The following PAXIP1 variants were observed in gnomAD, a reference collection of about 807,000 sequenced individuals.
The protein encoded by PAXIP1 is PAX-interacting protein 1.
PAXIP1 carries 19 observed loss-of-function variants against 140.6 expected under a neutral mutation model. That is an observed-to-expected ratio of 0.14 (90% CI 0.09 to 0.20). The LOEUF (loss-of-function observed/expected upper bound fraction) is 0.20, where lower values mean the gene tolerates loss of function less well. PAXIP1 is among the 10% of genes least tolerant of loss of function. The pLI is 1.00. For synonymous variants in PAXIP1, 442 were observed against 444.6 expected, an observed-to-expected ratio of 0.99 and a Z score of 0.07; for missense variants, 920 against 1,208.6, an observed-to-expected ratio of 0.76 and a Z score of 3.54.
intron 5 of PAXIP1, among the ~76,000 whole-genome samples, chr7:154,977,058 G>A (rs1228213846): frequency 6.6e-6 from 1 of 152,142 alleles, no homozygotes; most frequent in Admixed American, 6.5e-5. Context: ...CTTTGGCTGG[G>A]GCACAAATGA....
At position 154,946,024 on chromosome 7, in the gene PAXIP1, C is replaced by G. The variant is rs189831133; in HGVS notation, c.3194+341G>C. On this transcript the variant is annotated intron_variant, in intron 20 of 20. Coordinates refer to ENST00000404141, the MANE Select transcript of PAXIP1 (RefSeq NM_007349.4). This position sits in a 1 kb window ranked among gnomAD's most constrained non-coding sequence, Gnocchi z 4.9. ...TAAATTTCATTTGGAAAACTACAAA[C>G]TCAAAGGTGAGCTGATAAAAAGAAA... The G allele has an allele frequency of 6.1e-6, 6 of 984,542 alleles. No homozygotes were observed. In the East Asian group the frequency reaches 3.4e-4, roughly 56 times the overall value. 61.0% of individuals were successfully genotyped at this position (984,542 alleles called of 1,614,324 possible).
Position 154,954,213 on chromosome 7 carries a change from T to C in PAXIP1, c.2821+42A>G, listed in dbSNP as rs759742253. ...AGATGAATTCAAGAAAAAAAAAAGT[T>C]TATTTGGCATTAAAAGCAAAGTTAC... On this transcript the variant is annotated intron_variant, in intron 16 of 20. Coordinates refer to ENST00000404141, the MANE Select transcript of PAXIP1 (RefSeq NM_007349.4). The surrounding 1 kb of genome is among the most constrained non-coding windows in gnomAD (Gnocchi z 5.1). The C allele has an allele frequency of 7.5e-7, 1 of 1,329,874 alleles. No homozygotes were observed. The highest frequency in any genetic ancestry group is 2.3e-5 in the South Asian group (1 of 43,384). The allele number at this position is 1,329,874 out of a possible 1,614,324, so 82.4% of individuals were successfully genotyped here.
intron 20 of PAXIP1, chr7:154,944,380 C>G (rs1482586920): frequency 4.6e-6 from 2 of 434,438 alleles, no homozygotes; most frequent in African/African-American, 2.0e-5. Context: ...GACATCAGCA[C>G]CTGTGCCAGC....
intron 1 of PAXIP1, chr7:155,001,081 T>A (rs891804279): frequency 6.6e-6 from 1 of 152,238 alleles, no homozygotes; most frequent in African/African-American, 2.4e-5. Context: ...TATTAGATGG[T>A]CAACATGTGA....
Position 154,963,032 on chromosome 7 carries a change from CCCCGGTAGTTTT to C in PAXIP1, c.1990-586_1990-575del, listed in dbSNP as rs1808831381. Among the ~76,000 whole-genome samples, 1 of 152,144 alleles carries C rather than the reference CCCCGGTAGTTTT, an allele frequency of 6.6e-6. No homozygotes were observed. Among genetic ancestry groups the C allele is most frequent in the African/African-American group, 2.4e-5 (1 of 41,434 alleles). On this transcript the variant is annotated intron_variant, in intron 9 of 20. Coordinates refer to ENST00000404141, the MANE Select transcript of PAXIP1 (RefSeq NM_007349.4). This position sits in a 1 kb window ranked among gnomAD's most constrained non-coding sequence, Gnocchi z 4.1. Reference sequence around the variant, plus strand: ...GGTAATATTGAGGAGAAAGCCTGCACCCCGGTAGTTTTAGAAAAGCTCTGTAAGGGACCTGGT... The same window carrying C: ...GGTAATATTGAGGAGAAAGCCTGCACAGAAAAGCTCTGTAAGGGACCTGGT...
chr7:154,954,900 G>T lies in PAXIP1; in HGVS notation c.2653-477C>A, dbSNP rs1808439050. Reference sequence around the variant, plus strand: ...ACTATCCTCACATTTTAAAGGTGGAGAAATTAATTTGTTCTAAATGTATAA... The same window carrying T: ...ACTATCCTCACATTTTAAAGGTGGATAAATTAATTTGTTCTAAATGTATAA... On this transcript the variant is annotated intron_variant, in intron 15 of 20. Coordinates refer to ENST00000404141, the MANE Select transcript of PAXIP1 (RefSeq NM_007349.4). This position sits in a 1 kb window ranked among gnomAD's most constrained non-coding sequence, Gnocchi z 5.1. Among the ~76,000 whole-genome samples the T allele has an allele frequency of 1.3e-5, 2 of 152,290 alleles. No homozygotes were observed. Among genetic ancestry groups the T allele is most frequent in the South Asian group, 4.1e-4 (2 of 4,826 alleles).
At chr7:154,982,842 C>T (rs892519581) in intron 5 of PAXIP1, among the ~76,000 whole-genome samples, 4 of 151,996 alleles carry the variant, frequency 2.6e-5, no homozygotes, top group Non-Finnish European at 4.4e-5. Flanking sequence ...TCACCACACA[C>T]GTTTATAATT....
chr7:154,984,081 C>T lies in PAXIP1; in HGVS notation c.325-749G>A, dbSNP rs140278776. Among the ~76,000 whole-genome samples the T allele has an allele frequency of 8.3e-4, 127 of 152,258 alleles. No individual in the cohort carries two copies. The East Asian group carries it at 0.013, about 15-fold the overall frequency. ...CGCCATGTGAAACAGGAATCATCCACCCCATTTTAAACATAAGGAAACACA... is the reference window on the plus strand; with the variant it reads ...CGCCATGTGAAACAGGAATCATCCATCCCATTTTAAACATAAGGAAACACA... On this transcript the variant is annotated intron_variant, in intron 4 of 20. Coordinates refer to ENST00000404141, the MANE Select transcript of PAXIP1 (RefSeq NM_007349.4).
Position 154,963,616 on chromosome 7 carries a change from C to T in PAXIP1, c.1989+55G>A. On this transcript the variant is annotated intron_variant, in intron 9 of 20. Transcript: ENST00000404141. The surrounding 1 kb of genome is among the most constrained non-coding windows in gnomAD (Gnocchi z 4.1). ...TAATAATCACTAGCATTTAAGATTG[C>T]ATATTAAAAATGCCAGACCTTGCTC... The T allele has an allele frequency of 8.8e-7, 1 of 1,135,968 alleles. No individual in the cohort carries two copies. Among genetic ancestry groups the T allele is most frequent in the Non-Finnish European group, 1.3e-6 (1 of 763,826 alleles). 70.4% of individuals were successfully genotyped at this position (1,135,968 alleles called of 1,614,324 possible).
intron 4 of PAXIP1, among the ~76,000 whole-genome samples, chr7:154,988,157 C>A (rs533244050): frequency 6.6e-6 from 1 of 152,196 alleles, no homozygotes; most frequent in African/African-American, 2.4e-5. Flanking sequence ...TGCAAATGCA[C>A]ACCCTTGGTT....
chr7:154,999,415 C>T (rs1234593504), intron 1 of PAXIP1, among the ~76,000 whole-genome samples: 2 of 152,160 alleles, frequency 1.3e-5, no homozygotes, highest in Non-Finnish European at 2.9e-5. Context: ...ACAAAGATGA[C>T]AGTCCATGTG....
intron 1 of PAXIP1, 106 bp from the exon 2 acceptor site, chr7:154,998,890 C>T: frequency 2.2e-6 from 2 of 929,268 alleles, no homozygotes; most frequent in Non-Finnish European, 3.2e-6. Flanking sequence ...AATAAAAACA[C>T]ACCATATTCC....
In PAXIP1 at chr7:154,954,531, T is replaced by G; in HGVS notation, c.2653-108A>C. The G allele has an allele frequency of 1.5e-6, 1 of 684,740 alleles. No homozygotes were observed. The highest frequency in any genetic ancestry group is 2.1e-6 in the Non-Finnish European group (1 of 473,106). The allele number at this position is 684,740 out of a possible 1,614,324, so 42.4% of individuals were successfully genotyped here. ...TCTACCTAAAGACAAGGTTTATGAC[T>G]GTAATTCTCAGCCACAGAAAACAGT... is the stretch of plus-strand genomic sequence containing the variant. On this transcript the variant is annotated intron_variant, in intron 15 of 20. Transcript: ENST00000404141. This position sits in a 1 kb window ranked among gnomAD's most constrained non-coding sequence, Gnocchi z 5.1.
chr7:154,961,350 A>G (rs1002794230), intron 11 of PAXIP1, among the ~76,000 whole-genome samples, 177 bp downstream of exon 11: 4 of 152,308 alleles, frequency 2.6e-5, no homozygotes, highest in African/African-American at 9.6e-5. Context: ...CATTAATTCA[A>G]ATGTTTTCTA....
intron 2 of PAXIP1, among the ~76,000 whole-genome samples, chr7:154,997,023 T>G (rs1001292833): frequency 6.6e-6 from 1 of 151,940 alleles, no homozygotes; most frequent in African/African-American, 2.4e-5. Context: ...AGAAAGTTTG[T>G]AGGAAGGAGA....
intron 16 of PAXIP1, chr7:154,949,286 A>C (rs1318702309): frequency 1.3e-5 from 2 of 152,154 alleles, no homozygotes; most frequent in Non-Finnish European, 2.9e-5. Context: ...AAAATGTAAA[A>C]ACCATTTTCA....
intron 17 of PAXIP1, chr7:154,947,699 A>C: frequency 2.0e-6 from 1 of 511,726 alleles, no homozygotes; most frequent in Non-Finnish European, 3.5e-6. Context: ...ATAGTAAAGA[A>C]AAGTTCTCTA....
At position 154,986,203 on chromosome 7, in the gene PAXIP1, C is replaced by G; in HGVS notation, c.325-2871G>C. The G allele has an allele frequency of 7.4e-7, 1 of 1,345,836 alleles. No individual in the cohort carries two copies. Among genetic ancestry groups the G allele is most frequent in the Non-Finnish European group, 9.9e-7 (1 of 1,013,780 alleles). 83.4% of individuals were successfully genotyped at this position (1,345,836 alleles called of 1,614,324 possible). ...CCCTGACGGGGAAAAGACAGAAGGT[C>G]ACTGAGAACCACCAAGAAACAGTCC... On this transcript the variant is annotated intron_variant, in intron 4 of 20. Transcript: ENST00000404141. The surrounding 1 kb of genome is among the most constrained non-coding windows in gnomAD (Gnocchi z 4.8).
intron 5 of PAXIP1, among the ~76,000 whole-genome samples, chr7:154,977,720 T>C (rs985546860): frequency 1.3e-5 from 2 of 152,196 alleles, no homozygotes; most frequent in Non-Finnish European, 2.9e-5. Context: ...TTTTAGGGTA[T>C]AGTTTAAATT....
Sources: gnomAD v4.1 joint callset for allele counts (sites outside exome capture counted in the v4.1 genomes callset) on GRCh38, gnomAD v4.1.1 for gene constraint, Gnocchi (gnomAD v3.1) non-coding constraint, MANE v1.5 for transcripts, NCBI Gene and HGNC (gene_info 2026-07-23, HGNC 2026-07-21) for gene names.